The following REC114 variants were observed in gnomAD, a reference collection of about 807,000 sequenced individuals.
REC114 encodes the protein meiotic recombination protein REC114.
REC114 carries 27 observed loss-of-function variants against 31.3 expected under a neutral mutation model. The ratio of observed to expected loss-of-function variants is 0.86; its 90% CI spans 0.64 to 1.19. The LOEUF is 1.19. Among genes scored for constraint, REC114 ranks in the 50% most tolerant of loss-of-function variants. REC114 has a pLI of 0.00. For missense variants in REC114, 344 were observed against 326.9 expected (o/e 1.05, Z -0.40); for synonymous variants, 134 against 127.7 (o/e 1.05, Z -0.33).
At chr15:73,517,959 G>A (rs1214025760) in intron 2 of REC114, among the ~76,000 whole-genome samples, 1 of 152,172 alleles carries the variant, frequency 6.6e-6, no homozygotes. Context: ...CTAGGAAAGG[G>A]TGTGATCATA....
At chr15:73,511,771 T>G (rs1175676731) in intron 2 of REC114, among the ~76,000 whole-genome samples, 16 of 147,408 alleles carry the variant, frequency 1.1e-4, no homozygotes, top group African/African-American at 4.0e-4. Context: ...AGATTCTTAA[T>G]CCTGAGTTCT....
At chr15:73,458,481 G>A (rs983738222) in intron 1 of REC114, among the ~76,000 whole-genome samples, 3 of 152,166 alleles carry the variant, frequency 2.0e-5, no homozygotes, top group East Asian at 1.9e-4. Flanking sequence ...TTTTTGAAGA[G>A]TTAACAGGTA....
At position 73,505,313 on chromosome 15, in the gene REC114, A is replaced by G. The variant is rs542410216; in HGVS notation, c.249+31392A>G. On this transcript the variant is annotated intron_variant, in intron 2 of 5. Coordinates refer to ENST00000331090, the MANE Select transcript of REC114 (RefSeq NM_001042367.2). ...ACCAGTTTCACACATGTGGATTGTT[A>G]TTGGTCAGGCTCTACCATGTGTACT... is the stretch of plus-strand genomic sequence containing the variant. 3.0e-4 allele frequency among the ~76,000 whole-genome samples: 46 copies of G among 152,202 alleles called. 1 individual carries two copies. In the South Asian group the frequency reaches 9.5e-3, roughly 32 times the overall value.
chr15:73,552,295 C>T (rs544357659), intron 4 of REC114, among the ~76,000 whole-genome samples: 7 of 152,320 alleles, frequency 4.6e-5, no homozygotes, highest in African/African-American at 1.4e-4. Flanking sequence ...AGATTTTCTT[C>T]ATGTCTTCAA....
At chr15:73,509,207 A>G (rs1489053559) in intron 2 of REC114, among the ~76,000 whole-genome samples, 1 of 151,678 alleles carries the variant, frequency 6.6e-6, no homozygotes, top group Admixed American at 6.6e-5. Flanking sequence ...GATGATGAGC[A>G]TTTTTTCATG....
At chr15:73,488,694 G>A (rs1315868624) in intron 2 of REC114, among the ~76,000 whole-genome samples, 2 of 152,116 alleles carry the variant, frequency 1.3e-5, no homozygotes, top group Admixed American at 6.6e-5. Flanking sequence ...GGTCTTTACT[G>A]TCCATATTTC....
chr15:73,464,537 T>G (rs75109486), intron 1 of REC114, among the ~76,000 whole-genome samples: 10 of 151,988 alleles, frequency 6.6e-5, no homozygotes, highest in Admixed American at 4.6e-4. Flanking sequence ...TCTCCAAGAG[T>G]GGACACTTTA....
At chr15:73,485,355 T>C (rs946233888) in intron 2 of REC114, among the ~76,000 whole-genome samples, 1 of 152,192 alleles carries the variant, frequency 6.6e-6, no homozygotes, top group Non-Finnish European at 1.5e-5. Context: ...GTTCTGGGAT[T>C]ACAGGTGTGA....
intron 2 of REC114, among the ~76,000 whole-genome samples, chr15:73,474,857 A>C (rs1003527840): frequency 6.6e-6 from 1 of 152,168 alleles, no homozygotes; most frequent in African/African-American, 2.4e-5. Context: ...GTATGTTGTG[A>C]TGATTCATAT....
At chr15:73,478,459 C>G (rs1353482083) in intron 2 of REC114, among the ~76,000 whole-genome samples, 1 of 151,890 alleles carries the variant, frequency 6.6e-6, no homozygotes, top group Non-Finnish European at 1.5e-5. Context: ...ATATGTCTAT[C>G]CTTACTCCAA....
chr15:73,493,807 C>T (rs372442411), intron 2 of REC114, among the ~76,000 whole-genome samples: 12 of 152,318 alleles, frequency 7.9e-5, no homozygotes, highest in African/African-American at 2.9e-4. Context: ...ATTCATCCAC[C>T]CTTCTGGTAT....
rs941840733 is a variant in REC114 at position 73,496,636 on chromosome 15, C to T, written c.249+22715C>T. Reference sequence around the variant, plus strand: ...CAACTGCACTCCAGGCTGGATGACACGGTGAGACTCCATCCAAAAAAAAAA... The same window carrying T: ...CAACTGCACTCCAGGCTGGATGACATGGTGAGACTCCATCCAAAAAAAAAA... On this transcript the variant is annotated intron_variant, in intron 2 of 5. Coordinates refer to ENST00000331090, the MANE Select transcript of REC114 (RefSeq NM_001042367.2). Among the ~76,000 whole-genome samples the T allele has an allele frequency of 7.7e-5, 11 of 143,788 alleles. 1 individual carries two copies. The highest frequency in any genetic ancestry group is 5.7e-4 in the Admixed American group (8 of 13,992). 94.3% of individuals were successfully genotyped at this position (143,788 alleles called of 152,430 possible).
At chr15:73,459,733 A>C (rs1022851094) in intron 1 of REC114, among the ~76,000 whole-genome samples, 1 of 152,212 alleles carries the variant, frequency 6.6e-6, no homozygotes, top group African/African-American at 2.4e-5. Flanking sequence ...TCATGGGCAG[A>C]AGCTTTAAGA....
chr15:73,508,121 C>T (rs1893706447), intron 2 of REC114, among the ~76,000 whole-genome samples: 1 of 152,132 alleles, frequency 6.6e-6, no homozygotes, highest in Non-Finnish European at 1.5e-5. Flanking sequence ...TACAAGCTCT[C>T]TGAGGTCAGA....
chr15:73,532,295 C>A (rs1054437642), intron 2 of REC114, among the ~76,000 whole-genome samples: 141 of 148,370 alleles, frequency 9.5e-4, no homozygotes, highest in Non-Finnish European at 1.6e-3. Context: ...TCATCCATGT[C>A]CCTACAAAGG....
At chr15:73,556,522 C>T (rs1894470815) in intron 5 of REC114, 131 bp downstream of exon 5, 1 of 740,842 alleles carries the variant, frequency 1.3e-6, no homozygotes, top group Non-Finnish European at 2.1e-6. Flanking sequence ...GTGATAGAGA[C>T]AGAGACGGGC....
chr15:73,537,778 A>G lies in REC114; in HGVS notation c.250-2707A>G, dbSNP rs1207310755. 2.0e-5 allele frequency among the ~76,000 whole-genome samples: 3 copies of G among 152,350 alleles called. No individual in the cohort carries two copies. In the South Asian group the frequency reaches 6.2e-4, roughly 32 times the overall value. On this transcript the variant is annotated intron_variant, in intron 2 of 5. Transcript: ENST00000331090. The stretch of plus-strand genomic sequence containing the variant: ...CTTACACAGCTCAAAAATCAGAGCA[A>G]TGTAAAAAGGCATAGAGAAAGCTTT...
intron 2 of REC114, among the ~76,000 whole-genome samples, chr15:73,489,774 C>G (rs139110201): frequency 2.0e-5 from 3 of 151,760 alleles, no homozygotes; most frequent in East Asian, 1.9e-4. Context: ...ACTCAACTCT[C>G]TAATCACCCA....
At chr15:73,510,809 G>C (rs1009700918) in intron 2 of REC114, among the ~76,000 whole-genome samples, 16 of 149,932 alleles carry the variant, frequency 1.1e-4, no homozygotes, top group African/African-American at 3.9e-4. Context: ...GATCATGGTG[G>C]ATAAGCTTTT....
Sources: allele counts gnomAD v4.1 joint callset (sites outside exome capture counted in the v4.1 genomes callset), GRCh38; gene constraint gnomAD v4.1.1; transcripts MANE v1.5; gene names NCBI Gene and HGNC (gene_info 2026-07-23, HGNC 2026-07-21).